RGS6: variants seen among roughly 807,000 people sequenced by gnomAD.
The protein encoded by RGS6 is regulator of G-protein signaling 6.
In RGS6, 30 loss-of-function variants were observed where a neutral mutation model predicts 78.5. The ratio of observed to expected loss-of-function variants is 0.38; its 90% CI spans 0.29 to 0.52. The LOEUF is 0.52. Among genes scored for constraint, RGS6 ranks in the 20% least tolerant of loss-of-function variants. The pLI is 0.85. For missense variants in RGS6, 495 were observed against 609.7 expected, an observed-to-expected ratio of 0.81 and a Z score of 1.98; for synonymous variants, 206 against 206.0, an observed-to-expected ratio of 1.00 and a Z score of 0.00.
intron 2 of RGS6, among the ~76,000 whole-genome samples, chr14:71,988,772 T>C (rs1331474197): frequency 6.6e-6 from 1 of 152,108 alleles, no homozygotes; most frequent in Non-Finnish European, 1.5e-5. Flanking sequence ...TTCCATGTGG[T>C]GCTGATTTAT....
upstream of RGS6, among the ~76,000 whole-genome samples, chr14:71,929,141 A>G (rs1332354394): frequency 6.6e-6 from 1 of 152,222 alleles, no homozygotes; most frequent in African/African-American, 2.4e-5. Context: ...ACTCTACTAC[A>G]TACCTTGAGT....
intron 2 of RGS6, among the ~76,000 whole-genome samples, chr14:72,057,040 G>A (rs2093649647): frequency 6.6e-6 from 1 of 152,120 alleles, no homozygotes; most frequent in South Asian, 2.1e-4. Flanking sequence ...GCGGCCTGGA[G>A]CAGTGGCTCC....
intron 3 of RGS6, among the ~76,000 whole-genome samples, chr14:72,383,866 G>A (rs1376295689): frequency 6.6e-6 from 1 of 152,160 alleles, no homozygotes; most frequent in African/African-American, 2.4e-5. Flanking sequence ...TCTGCTGTAT[G>A]TTATCACTAT....
chr14:72,546,024 G>C (rs901621468), intron 17 of RGS6, among the ~76,000 whole-genome samples: 12 of 152,196 alleles, frequency 7.9e-5, no homozygotes, highest in African/African-American at 2.9e-4. Flanking sequence ...GTATAGGAAG[G>C]AATGAAATGT....
chr14:72,225,812 A>G (rs528154682), intron 2 of RGS6, among the ~76,000 whole-genome samples: 9 of 152,320 alleles, frequency 5.9e-5, no homozygotes, highest in East Asian at 5.8e-4. Flanking sequence ...TTAAATATCT[A>G]TTTCAATAAG....
chr14:72,005,693 A>G (rs1220447881), intron 2 of RGS6, among the ~76,000 whole-genome samples: 1 of 152,128 alleles, frequency 6.6e-6, no homozygotes. Flanking sequence ...CCATTCTTGC[A>G]TCTATTTCAT....
intron 3 of RGS6, among the ~76,000 whole-genome samples, chr14:72,371,323 A>G (rs1341144343): frequency 6.6e-6 from 1 of 151,896 alleles, no homozygotes. Flanking sequence ...TCTTTTCAAC[A>G]TTTTTCCTTG....
the RGS6 span, among the ~76,000 whole-genome samples, chr14:72,587,962 G>A: frequency 2.1e-3 from 315 of 152,316 alleles, 2 homozygotes; most frequent in African/African-American, 7.2e-3. Context: ...GGTAGTGCTT[G>A]ACCAGATGTC....
At chr14:71,946,446 G>C (rs544432718) in intron 1 of RGS6, among the ~76,000 whole-genome samples, 1 of 152,130 alleles carries the variant, frequency 6.6e-6, no homozygotes, top group Non-Finnish European at 1.5e-5. Flanking sequence ...CTGCTGGTCC[G>C]TGTCAGACAG....
chr14:72,048,281 T>G (rs1428549584), intron 2 of RGS6, among the ~76,000 whole-genome samples: 1 of 152,220 alleles, frequency 6.6e-6, no homozygotes, highest in Non-Finnish European at 1.5e-5. Flanking sequence ...CATAAATGTT[T>G]TCTTAGAATT....
chr14:72,223,927 C>T (rs117940646), intron 2 of RGS6, among the ~76,000 whole-genome samples: 1,658 of 152,316 alleles, frequency 0.011, 10 homozygotes, highest in Non-Finnish European at 0.018. Context: ...TACGCCTAGG[C>T]GTGCTGAAAT....
At chr14:72,556,230 G>T (rs192302466) in intron 17 of RGS6, among the ~76,000 whole-genome samples, 172 of 152,286 alleles carry the variant, frequency 1.1e-3, no homozygotes, top group Admixed American at 3.1e-3. Context: ...GTTCCACATG[G>T]CTGGGGAAGC....
In RGS6 at chr14:72,507,215, A is replaced by T. The variant is rs1209319024; in HGVS notation, c.966-2939A>T. Among the ~76,000 whole-genome samples the T allele has an allele frequency of 1.1e-4, 17 of 152,154 alleles. No homozygotes were observed. In the South Asian group the frequency reaches 2.9e-3, roughly 26 times the overall value. ...CAGAGACACAGACACTTACAGAGCAAACACCATGTGGAGACACAGAAACAC... is the reference window on the plus strand; with the variant it reads ...CAGAGACACAGACACTTACAGAGCATACACCATGTGGAGACACAGAAACAC... On this transcript the variant is annotated intron_variant, in intron 13 of 17. Transcript: ENST00000553525.
intron 2 of RGS6, among the ~76,000 whole-genome samples, chr14:72,152,290 G>A (rs77281812): frequency 6.6e-6 from 1 of 151,430 alleles, no homozygotes; most frequent in Non-Finnish European, 1.5e-5. Context: ...GCAGCCTTTA[G>A]AGGTCAGACT....
intron 1 of RGS6, among the ~76,000 whole-genome samples, chr14:71,947,200 C>T (rs1314056675): frequency 6.6e-6 from 1 of 152,142 alleles, no homozygotes; most frequent in Non-Finnish European, 1.5e-5. Flanking sequence ...ACTGCTGACT[C>T]CTGGGTCTCC....
chr14:72,026,634 G>C (rs778256964), intron 2 of RGS6, among the ~76,000 whole-genome samples: 3 of 152,136 alleles, frequency 2.0e-5, no homozygotes, highest in Admixed American at 6.5e-5. Context: ...GTCAACCCAC[G>C]TGTGCCTCTG....
chr14:72,377,507 A>C (rs2085056455), intron 3 of RGS6, among the ~76,000 whole-genome samples: 3 of 152,198 alleles, frequency 2.0e-5, no homozygotes, highest in African/African-American at 7.2e-5. Flanking sequence ...AAAATCAACA[A>C]AGAAACATCA....
At chr14:72,525,887 G>A (rs1431300700) in intron 15 of RGS6, among the ~76,000 whole-genome samples, 3 of 152,140 alleles carry the variant, frequency 2.0e-5, no homozygotes. Context: ...TTATTTTTGG[G>A]AGATGAACAG....
intron 2 of RGS6, among the ~76,000 whole-genome samples, chr14:72,080,204 G>C (rs188205326): frequency 6.6e-6 from 1 of 151,934 alleles, no homozygotes; most frequent in Non-Finnish European, 1.5e-5. Flanking sequence ...ATTATCTTTC[G>C]TCTTTTTGAT....
Sources: gnomAD v4.1 joint callset for allele counts (sites outside exome capture counted in the v4.1 genomes callset) on GRCh38, gnomAD v4.1.1 for gene constraint, MANE v1.5 for transcripts, NCBI Gene and HGNC (gene_info 2026-07-23, HGNC 2026-07-21) for gene names.